CSMD1: variants seen among roughly 807,000 people sequenced by gnomAD.
The protein encoded by CSMD1 is CUB and sushi domain-containing protein 1.
CSMD1 carries 213 observed loss-of-function variants against 417.5 expected under a neutral mutation model. That is an observed-to-expected ratio of 0.51 (90% CI 0.46 to 0.57). The LOEUF (loss-of-function observed/expected upper bound fraction) is 0.57. CSMD1 is among the 20% of genes least tolerant of loss of function. CSMD1 has a pLI of 0.00. For synonymous variants in CSMD1, 2,862 were observed against 1,736.8 expected (o/e 1.65, Z -16.11); for missense variants, 6,923 against 4,529.7 (o/e 1.53, Z -15.17).
chr8:3,479,303 T>G (rs930708449), intron 11 of CSMD1, among the ~76,000 whole-genome samples: 1 of 152,122 alleles, frequency 6.6e-6, no homozygotes, highest in Non-Finnish European at 1.5e-5. Context: ...TTTTTTAGAC[T>G]AAGTTTCACT....
chr8:3,984,936 T>A (rs1002842735), intron 5 of CSMD1, among the ~76,000 whole-genome samples: 1 of 151,958 alleles, frequency 6.6e-6, no homozygotes, highest in Non-Finnish European at 1.5e-5. Context: ...TTATAAGCCT[T>A]TAAAATTAAC....
intron 5 of CSMD1, among the ~76,000 whole-genome samples, chr8:3,856,170 G>C (rs890419610): frequency 8.6e-5 from 13 of 151,922 alleles, no homozygotes; most frequent in Admixed American, 1.3e-4. Flanking sequence ...GTTTGTAATG[G>C]TTTAGCACCA....
At chr8:4,044,807 T>C (rs1201815425) in intron 3 of CSMD1, among the ~76,000 whole-genome samples, 1 of 89,978 alleles carries the variant, frequency 1.1e-5, no homozygotes, top group African/African-American at 3.6e-5. Flanking sequence ...CCACCCTGGA[T>C]GTGAACCATC....
intron 2 of CSMD1, among the ~76,000 whole-genome samples, chr8:4,574,145 TG>T (rs1210096322): frequency 6.7e-6 from 1 of 148,480 alleles, no homozygotes; most frequent in East Asian, 2.0e-4. Flanking sequence ...TCTGTCTCGT[TG>T]GGGTTCCAGG....
chr8:4,788,068 C>T (rs1205181598), intron 1 of CSMD1: 21 of 1,597,272 alleles, frequency 1.3e-5, no homozygotes, highest in Non-Finnish European at 1.7e-5. Flanking sequence ...GAGTGGGTTG[C>T]AGAGAAAGTA....
At chr8:4,847,666 T>C (rs989233177) in intron 1 of CSMD1, among the ~76,000 whole-genome samples, 8 of 152,246 alleles carry the variant, frequency 5.3e-5, no homozygotes, top group Non-Finnish European at 1.0e-4. Flanking sequence ...GGTTTCTCCT[T>C]AAGCTCTTCA....
intron 50 of CSMD1, among the ~76,000 whole-genome samples, chr8:3,043,115 G>A (rs1480865209): frequency 6.7e-6 from 1 of 148,786 alleles, no homozygotes; most frequent in East Asian, 2.0e-4. Flanking sequence ...TCACTATGGT[G>A]ATATATATAT....
At chr8:4,775,172 T>A (rs1332980098) in intron 1 of CSMD1, among the ~76,000 whole-genome samples, 2 of 152,210 alleles carry the variant, frequency 1.3e-5, no homozygotes, top group Admixed American at 1.3e-4. Flanking sequence ...TCTAATATTC[T>A]CAACATCAAC....
At chr8:2,976,122 A>G (rs2128935879) in intron 55 of CSMD1, among the ~76,000 whole-genome samples, 1 of 152,268 alleles carries the variant, frequency 6.6e-6, no homozygotes, top group South Asian at 2.1e-4. Flanking sequence ...TTTGAAAGTT[A>G]CCACTGTCGT....
rs191674921 is a variant in CSMD1, at chr8:4,259,915, T to C, written c.415+160038A>G. ...CTACCGCATAGTCTCTTCTGTTGTA[T>C]AATACTACAAAATTATATCCATTTT... On this transcript the variant is annotated intron_variant, in intron 3 of 69. Coordinates refer to ENST00000635120, the MANE Select transcript of CSMD1 (RefSeq NM_033225.6). Among the ~76,000 whole-genome samples, 853 of 152,332 alleles carry C rather than the reference T, an allele frequency of 5.6e-3. 6 individuals carry two copies. The highest frequency in any genetic ancestry group is 0.02 in the African/African-American group (816 of 41,568).
chr8:3,394,899 TA>T, intron 17 of CSMD1, among the ~76,000 whole-genome samples: 1 of 152,206 alleles, frequency 6.6e-6, no homozygotes, highest in Admixed American at 6.5e-5. Context: ...AAGTCATTGA[TA>T]AGCAATTTTC....
chr8:3,687,976 T>G (rs551441235), intron 7 of CSMD1, among the ~76,000 whole-genome samples: 1 of 152,208 alleles, frequency 6.6e-6, no homozygotes, highest in East Asian at 1.9e-4. Context: ...CATATTTGCT[T>G]ATCTGAATTT....
chr8:4,514,170 G>T (rs558839623), intron 2 of CSMD1, among the ~76,000 whole-genome samples: 317 of 152,232 alleles, frequency 2.1e-3, no homozygotes, highest in Non-Finnish European at 3.7e-3. Flanking sequence ...TTCCTGGCTT[G>T]CAAAATGCCA....
intron 1 of CSMD1, among the ~76,000 whole-genome samples, chr8:4,731,831 T>C (rs1172364068): frequency 6.6e-6 from 1 of 152,172 alleles, no homozygotes; most frequent in Non-Finnish European, 1.5e-5. Flanking sequence ...GTTTTTCTTA[T>C]TGTGTATATT....
chr8:3,705,952 T>C (rs1487675322), intron 7 of CSMD1, among the ~76,000 whole-genome samples: 1 of 152,222 alleles, frequency 6.6e-6, no homozygotes, highest in African/African-American at 2.4e-5. Context: ...CAGTGTCACC[T>C]TGGGTATCAA....
intron 25 of CSMD1, among the ~76,000 whole-genome samples, chr8:3,296,823 G>C (rs561065763): frequency 6.6e-6 from 1 of 152,260 alleles, no homozygotes; most frequent in South Asian, 2.1e-4. Flanking sequence ...TTTATGGGAT[G>C]GGGAAAATCA....
At chr8:3,430,793 C>G (rs1236456472) in intron 12 of CSMD1, among the ~76,000 whole-genome samples, 2 of 152,032 alleles carry the variant, frequency 1.3e-5, no homozygotes, top group Admixed American at 1.3e-4. Flanking sequence ...GGTAACAGAA[C>G]GAGACTCCAT....
Position 3,656,354 on chromosome 8 carries a change from C to T in CSMD1, c.1010-39557G>A, listed in dbSNP as rs537385778. On this transcript the variant is annotated intron_variant, in intron 7 of 69. Transcript: ENST00000635120. ...ACTTTCCTAGAAAAGCTTTCCAGCG[C>T]GGCTGTTTATTTGATAGATGACACC... Among the ~76,000 whole-genome samples the T allele has an allele frequency of 1.6e-4, 25 of 152,188 alleles. No individual in the cohort carries two copies. The South Asian group carries it at 1.9e-3, about 11-fold the overall frequency.
chr8:4,962,296 G>A (rs969770471), intron 1 of CSMD1, among the ~76,000 whole-genome samples: 13 of 151,960 alleles, frequency 8.6e-5, no homozygotes, highest in African/African-American at 2.9e-4. Flanking sequence ...TGGCAGCTTG[G>A]AACTCCTGGT....
Sources: gnomAD v4.1 joint callset for allele counts (sites outside exome capture counted in the v4.1 genomes callset) on GRCh38, gnomAD v4.1.1 for gene constraint, MANE v1.5 for transcripts, NCBI Gene and HGNC (gene_info 2026-07-23, HGNC 2026-07-21) for gene names.